Variants in KMT2C observed in about 807,000 individuals in gnomAD.
KMT2C encodes the protein histone-lysine N-methyltransferase 2C.
KMT2C carries 88 observed loss-of-function variants against 507.9 expected under a neutral mutation model. The observed-to-expected ratio is 0.17, with a 90% CI of 0.15 to 0.21. The LOEUF is 0.21. Among genes scored for constraint, KMT2C ranks in the 10% least tolerant of loss-of-function variants. The pLI is 1.00. For missense variants in KMT2C, 4,954 were observed against 5,957.8 expected (o/e 0.83, Z 5.55); for synonymous variants, 2,049 against 2,080.8 (o/e 0.98, Z 0.42).
intron 33 of KMT2C, among the ~76,000 whole-genome samples, chr7:152,186,397 T>C (rs2093628115): frequency 6.6e-6 from 1 of 152,202 alleles, no homozygotes; most frequent in African/African-American, 2.4e-5. Context: ...ACAGCAAATG[T>C]AAGCATGGAA....
Position 152,252,696 on chromosome 7 carries a change from T to G in KMT2C, c.1319A>C (p.Glu440Ala). The stretch of plus-strand genomic sequence containing the variant: ...CTGAGAACTAGACCGTGTGCCACAC[T>G]CTATACATATTCTGCAATTCTAAAC... ...WKCKNCRICI[E>A]CGTRSSSQWH... The change falls in exon 10 of 59, where the codon GAG becomes GCG. Residue 440 changes from glutamate (E) to alanine (A), a missense_variant. By Grantham distance (107) the Glu-to-Ala change is moderately radical (BLOSUM62 -1). This residue lies in a region of KMT2C where 376 missense variants were observed against 352.4 expected (regional missense o/e 1.07). Coordinates refer to ENST00000262189, the MANE Select transcript of KMT2C (RefSeq NM_170606.3). 1 of 1,604,954 alleles carries G rather than the reference T, an allele frequency of 6.2e-7. No individual in the cohort carries two copies. Among genetic ancestry groups the G allele is most frequent in the African/African-American group, 1.3e-5 (1 of 74,820 alleles).
chr7:152,314,654 T>C (rs2096706663), intron 4 of KMT2C, among the ~76,000 whole-genome samples: 1 of 152,102 alleles, frequency 6.6e-6, no homozygotes, highest in Non-Finnish European at 1.5e-5. Flanking sequence ...ATAAATTAAA[T>C]AAATGACTGA....
intron 1 of KMT2C, among the ~76,000 whole-genome samples, chr7:152,374,815 G>A (rs376573324): frequency 2.0e-5 from 3 of 151,282 alleles, no homozygotes; most frequent in South Asian, 2.1e-4. Flanking sequence ...CCCGAGAGGC[G>A]GAGCTTGCAG....
At chr7:152,294,930 G>T (rs978993943) in intron 6 of KMT2C, among the ~76,000 whole-genome samples, 6 of 151,870 alleles carry the variant, frequency 4.0e-5, no homozygotes, top group African/African-American at 1.5e-4. Context: ...AAGTCAGTTT[G>T]ATTTGCCACC....
At chr7:152,318,644 A>C (rs1207988359) in intron 3 of KMT2C, among the ~76,000 whole-genome samples, 20 of 151,412 alleles carry the variant, frequency 1.3e-4, no homozygotes, top group Non-Finnish European at 2.1e-4. Flanking sequence ...AAAAAAAAAA[A>C]AAAATAGGTG....
chr7:152,422,344 A>G (rs2097782322), intron 1 of KMT2C, among the ~76,000 whole-genome samples: 3 of 151,750 alleles, frequency 2.0e-5, no homozygotes, highest in Admixed American at 2.0e-4. Flanking sequence ...AATCACAGCT[A>G]CTAGGGAGGC....
chr7:152,233,377 T>A (rs1293743345), intron 16 of KMT2C, among the ~76,000 whole-genome samples: 1 of 152,078 alleles, frequency 6.6e-6, no homozygotes, highest in Non-Finnish European at 1.5e-5. Context: ...AGACCACAGA[T>A]ATGAGCCAAG....
chr7:152,352,213 G>A (rs1037721688), intron 2 of KMT2C, among the ~76,000 whole-genome samples: 5 of 152,102 alleles, frequency 3.3e-5, no homozygotes, highest in Admixed American at 1.3e-4. Flanking sequence ...CTCCCGTAGC[G>A]CTCCCAGGCT....
chr7:152,242,287 A>G (rs1394478842), intron 14 of KMT2C, among the ~76,000 whole-genome samples: 3 of 152,116 alleles, frequency 2.0e-5, no homozygotes, highest in Non-Finnish European at 4.4e-5. Context: ...CTTTTTTTGC[A>G]TATGTGTATG....
intron 1 of KMT2C, among the ~76,000 whole-genome samples, chr7:152,415,457 G>A (rs1033602479): frequency 1.2e-4 from 19 of 152,172 alleles, no homozygotes; most frequent in African/African-American, 4.6e-4. Context: ...AATGAAATGA[G>A]GTGAAATTCT....
chr7:152,274,575 T>C (rs2096045896), intron 6 of KMT2C, among the ~76,000 whole-genome samples: 1 of 152,176 alleles, frequency 6.6e-6, no homozygotes, highest in South Asian at 2.1e-4. Context: ...TCAGAAGAAA[T>C]TATGTAAAAT....
intron 3 of KMT2C, among the ~76,000 whole-genome samples, chr7:152,323,683 A>C (rs978374518): frequency 6.7e-6 from 1 of 148,702 alleles, no homozygotes. Flanking sequence ...GAAGGAAAGA[A>C]AAAAAGGAAA....
chr7:152,367,960 G>A lies in KMT2C; in HGVS notation c.162-9285C>T, dbSNP rs963952953. ...GCAGACACACTTATACCAGAGGAAT[G>A]CCAACAGTTTAAAAAACAGATAATG... On this transcript the variant is annotated intron_variant, in intron 1 of 58. Transcript: ENST00000262189. 8.7e-6 allele frequency: 8 copies of A among 923,060 alleles called. No individual in the cohort carries two copies. In the African/African-American group the frequency reaches 1.2e-4, roughly 13 times the overall value. The allele number at this position is 923,060 out of a possible 1,614,324, so 57.2% of individuals were successfully genotyped here.
chr7:152,311,732 A>G, intron 5 of KMT2C, 66 bp downstream of exon 5: 1 of 1,200,606 alleles, frequency 8.3e-7, no homozygotes, highest in Non-Finnish European at 1.2e-6. Context: ...GAGGACATTA[A>G]TAATGTATTA....
At chr7:152,309,333 T>C (rs1398024383) in intron 6 of KMT2C, among the ~76,000 whole-genome samples, 2 of 148,814 alleles carry the variant, frequency 1.3e-5, no homozygotes, top group African/African-American at 5.0e-5. Context: ...TTTTTTTTTT[T>C]TGAGGCAGGG....
In KMT2C at chr7:152,163,053, C is replaced by A; in HGVS notation, c.10524G>T (p.Arg3508Ser). ...GAACAAATGAAGGAGGGCCTACCTG[C>A]CTTCGCTCATTAGTCTGCATGAAAG... ...TQTFMQTNER[R>S]QVGPPSFVPD... Residue 3508 changes from arginine to serine, a missense_variant, in exon 43 of 59, where the codon AGG becomes AGT. This residue lies in a region of KMT2C where 801 missense variants were observed against 751.2 expected (regional missense o/e 1.07). Coordinates refer to ENST00000262189, the MANE Select transcript of KMT2C (RefSeq NM_170606.3). 6.2e-7 allele frequency: 1 copy of A among 1,614,170 alleles called. No individual in the cohort carries two copies. Among genetic ancestry groups the A allele is most frequent in the South Asian group, 1.1e-5 (1 of 91,068 alleles).
intron 1 of KMT2C, among the ~76,000 whole-genome samples, chr7:152,362,739 T>C (rs2097206829): frequency 6.6e-6 from 1 of 152,238 alleles, no homozygotes; most frequent in Admixed American, 6.5e-5. Flanking sequence ...ACTGGCTTTA[T>C]TTCAAGCTCG....
Position 152,330,671 on chromosome 7 carries a change from T to C in KMT2C, c.319A>G (p.Thr107Ala), listed in dbSNP as rs773344701. 4.3e-6 allele frequency: 7 copies of C among 1,613,932 alleles called. No homozygotes were observed. Among genetic ancestry groups the C allele is most frequent in the East Asian group, 2.2e-5 (1 of 44,886 alleles). The change falls in exon 3 of 59, where the codon ACT becomes GCT. Residue 107 changes from threonine (T) to alanine (A), a missense_variant. By Grantham distance (58) the Thr-to-Ala change is moderately conservative. Coordinates refer to ENST00000262189, the MANE Select transcript of KMT2C (RefSeq NM_170606.3). ...EVDNSKQLIP[T>A]LQRSVSEESA... ...TCCTCAGACACAGATCGCTGAAGAG[T>C]TGGAATTAGCTGTTTGCTGTTATCC...
At chr7:152,431,573 T>C (rs1351847133) in intron 1 of KMT2C, among the ~76,000 whole-genome samples, 2 of 146,540 alleles carry the variant, frequency 1.4e-5, no homozygotes, top group Non-Finnish European at 1.5e-5. Flanking sequence ...ACCACTGCAC[T>C]CCAGCCTGGG....
Sources: gnomAD v4.1 joint callset for allele counts (sites outside exome capture counted in the v4.1 genomes callset) on GRCh38, gnomAD v4.1.1 for gene constraint, gnomAD v4.1.1 regional missense constraint, MANE v1.5 for transcripts, NCBI Gene and HGNC (gene_info 2026-07-23, HGNC 2026-07-21) for gene names.